Variants in MTOR observed in about 807,000 individuals in gnomAD.
The protein encoded by MTOR is mechanistic target of rapamycin kinase.
A neutral mutation model predicts 319.8 loss-of-function variants in MTOR; 70 were observed. That is an observed-to-expected ratio of 0.22 (90% CI 0.18 to 0.27). MTOR has a LOEUF of 0.27. Ranked by LOEUF, MTOR falls within the 10% of genes least tolerant of loss-of-function variation. MTOR has a pLI of 1.00. For missense variants in MTOR, 1,890 were observed against 3,274.4 expected, an observed-to-expected ratio of 0.58 and a Z score of 10.32; for synonymous variants, 1,183 against 1,211.4, an observed-to-expected ratio of 0.98 and a Z score of 0.49.
At chr1:11,113,802 C>T (rs991254871) in intron 53 of MTOR, among the ~76,000 whole-genome samples, 1 of 152,116 alleles carries the variant, frequency 6.6e-6, no homozygotes, top group African/African-American at 2.4e-5. Flanking sequence ...TGTGTCCCCA[C>T]CCAAAATCTC....
Position 11,236,515 on chromosome 1 carries a change from T to G in MTOR, c.2208+1328A>C, listed in dbSNP as rs866673514. 3.3e-3 allele frequency among the ~76,000 whole-genome samples: 491 copies of G among 150,890 alleles called. 3 individuals are homozygous for G. Among genetic ancestry groups the G allele is most frequent in the African/African-American group, 0.011 (461 of 41,124 alleles). ...GGCTCAACAGTGATTTCACGTTTTT[T>G]TTTTTTTTTTTGAGACAGAGTCTCG... is the stretch of plus-strand genomic sequence containing the variant. On this transcript the variant is annotated intron_variant, in intron 13 of 57. Transcript: ENST00000361445.
intron 19 of MTOR, among the ~76,000 whole-genome samples, chr1:11,222,111 T>A (rs1646683842): frequency 6.7e-6 from 1 of 150,280 alleles, no homozygotes. Context: ...GATTCATGCA[T>A]GTATTCTGCT....
rs547377596 is a variant in MTOR at position 11,250,229 on chromosome 1, C to T, written c.841-2135G>A. On this transcript the variant is annotated intron_variant, in intron 6 of 57. Coordinates refer to ENST00000361445, the MANE Select transcript of MTOR (RefSeq NM_004958.4). The stretch of plus-strand genomic sequence containing the variant: ...GCGGCTGGCCGGGCGGGGGGCTGAC[C>T]CCCCACCTCCCTCCCGGACGGGGCG... 3.5e-3 allele frequency among the ~76,000 whole-genome samples: 455 copies of T among 129,404 alleles called. 7 individuals are homozygous for T. Among genetic ancestry groups the T allele is most frequent in the African/African-American group, 0.013 (431 of 33,668 alleles). The allele number at this position is 129,404 out of a possible 152,430, so 84.9% of individuals were successfully genotyped here. A position where few individuals can be genotyped will look rare whatever the true frequency, so the allele number is the denominator to read the frequency against.
At chr1:11,192,333 T>G in intron 28 of MTOR, 1 of 1,614,082 alleles carries the variant, frequency 6.2e-7, no homozygotes, top group South Asian at 1.1e-5. Context: ...GTGTATAAGC[T>G]TCCTCCTGAT....
In MTOR at chr1:11,128,199, GAATAACA is replaced by G; in HGVS notation, c.5911-80_5911-74del. On this transcript the variant is annotated intron_variant, in intron 42 of 57. Transcript: ENST00000361445. This position sits in a 1 kb window ranked among gnomAD's most constrained non-coding sequence, Gnocchi z 5.3. ...GAAGAGCTGGTATGAATTTTAAGGA[GAATAACA>G]AAACAAGTGGTGAGTGTGACATTAA... 6.3e-7 allele frequency: 1 copy of G among 1,580,250 alleles called. No individual in the cohort carries two copies. Among genetic ancestry groups the G allele is most frequent in the Non-Finnish European group, 8.6e-7 (1 of 1,159,886 alleles).
intron 47 of MTOR, among the ~76,000 whole-genome samples, chr1:11,123,446 C>T (rs1642649461): frequency 7.6e-6 from 1 of 131,372 alleles, no homozygotes. Flanking sequence ...ACAGGGATTA[C>T]AGGCGTGAGT....
intron 6 of MTOR, among the ~76,000 whole-genome samples, chr1:11,251,267 C>G (rs1158095639): frequency 6.6e-6 from 1 of 152,186 alleles, no homozygotes; most frequent in Non-Finnish European, 1.5e-5. Flanking sequence ...TTTGCTGCTC[C>G]TCTAATACAC....
chr1:11,168,667 C>T (rs187844933), intron 28 of MTOR, among the ~76,000 whole-genome samples: 1 of 152,318 alleles, frequency 6.6e-6, no homozygotes, highest in Admixed American at 6.5e-5. Flanking sequence ...TAATGACACC[C>T]TGCTCTGCTG....
At position 11,157,697 on chromosome 1, in the gene MTOR, G is replaced by T. The variant is rs193148105; in HGVS notation, c.4330-406C>A. ...AAGGTGCCATCGCTCCGATCTGCTG[G>T]AGTGCTGACACTGGGCTACTTGACA... On this transcript the variant is annotated intron_variant, in intron 29 of 57. Transcript: ENST00000361445. Among the ~76,000 whole-genome samples the T allele has an allele frequency of 3.9e-5, 6 of 152,270 alleles. No individual in the cohort carries two copies. The East Asian group carries it at 7.7e-4, about 20-fold the overall frequency.
At chr1:11,153,662 A>G (rs1366666735) in intron 30 of MTOR, among the ~76,000 whole-genome samples, 2 of 152,206 alleles carry the variant, frequency 1.3e-5, no homozygotes, top group Admixed American at 6.5e-5. Flanking sequence ...GTGATGATGG[A>G]AAAGTTCTCT....
intron 36 of MTOR, among the ~76,000 whole-genome samples, chr1:11,136,136 A>G (rs1332182619): frequency 1.3e-5 from 2 of 152,212 alleles, no homozygotes; most frequent in African/African-American, 2.4e-5. Context: ...CCCTGTCTCA[A>G]AAAAACAAAC....
rs55653882 is a variant in MTOR, at chr1:11,112,742, G to A, written c.7366+110C>T. 1,158 of 1,125,944 alleles carry A rather than the reference G, an allele frequency of 1.0e-3. 6 individuals are homozygous for A. The African/African-American group carries it at 0.015, about 15-fold the overall frequency. The allele number at this position is 1,125,944 out of a possible 1,614,324, so 69.7% of individuals were successfully genotyped here. On this transcript the variant is annotated intron_variant, in intron 54 of 57. Transcript: ENST00000361445. ...CTAGAAACACTCTGCACAAGGGGGA[G>A]AGCCTCTGTAACGTCCTGCGGGATG...
chr1:11,153,924 C>A (rs1244742891), intron 30 of MTOR, among the ~76,000 whole-genome samples: 1 of 151,386 alleles, frequency 6.6e-6, no homozygotes, highest in Non-Finnish European at 1.5e-5. Context: ...CAAAAATCAG[C>A]CGGGAGTGGT....
At chr1:11,242,546 T>C (rs188262676) in intron 9 of MTOR, among the ~76,000 whole-genome samples, 5 of 148,088 alleles carry the variant, frequency 3.4e-5, no homozygotes, top group Non-Finnish European at 7.4e-5. Flanking sequence ...GGCGTATTAA[T>C]TCACCACAGC....
chr1:11,190,553 T>C (rs1392689734), intron 28 of MTOR, among the ~76,000 whole-genome samples: 1 of 152,190 alleles, frequency 6.6e-6, no homozygotes, highest in Non-Finnish European at 1.5e-5. Flanking sequence ...GATACGTCTA[T>C]TTTTTTCCAT....
chr1:11,238,931 T>A (rs1647598572), intron 11 of MTOR, among the ~76,000 whole-genome samples: 1 of 131,094 alleles, frequency 7.6e-6, no homozygotes, highest in Admixed American at 7.7e-5. Context: ...CCTGGCTAAT[T>A]TTTTTTTTTT....
intron 25 of MTOR, 91 bp from the exon 26 acceptor site, chr1:11,204,794 G>T: frequency 7.3e-7 from 1 of 1,378,296 alleles, no homozygotes. Flanking sequence ...TCTACTTTTA[G>T]ATTTATAAAA....
chr1:11,139,970 G>A (rs780702384), intron 34 of MTOR, among the ~76,000 whole-genome samples: 3 of 152,210 alleles, frequency 2.0e-5, no homozygotes, highest in Non-Finnish European at 2.9e-5. Context: ...GATTACAGGC[G>A]TGAGCCAGCA....
chr1:11,182,225 A>AG (rs1645183743), intron 28 of MTOR, among the ~76,000 whole-genome samples: 1 of 152,092 alleles, frequency 6.6e-6, no homozygotes, highest in Non-Finnish European at 1.5e-5. Context: ...CTTAAAAAAA[A>AG]AAAAAAAAGT....
Sources: gnomAD v4.1 joint callset for allele counts (sites outside exome capture counted in the v4.1 genomes callset) on GRCh38, gnomAD v4.1.1 for gene constraint, Gnocchi (gnomAD v3.1) non-coding constraint, MANE v1.5 for transcripts, NCBI Gene and HGNC (gene_info 2026-07-23, HGNC 2026-07-21) for gene names.